The following SHANK1 variants were observed in gnomAD, a reference collection of about 807,000 sequenced individuals.
SHANK1 encodes the protein SH3 and multiple ankyrin repeat domains 1, also known as SH3 and multiple ankyrin repeat domains protein 1.
In SHANK1, 35 loss-of-function variants were observed where a neutral mutation model predicts 165.6. That is an observed-to-expected ratio of 0.21 (90% CI 0.16 to 0.28). SHANK1 has a LOEUF of 0.28. Among genes scored for constraint, SHANK1 ranks in the 10% least tolerant of loss-of-function variants. The pLI, the probability that SHANK1 is intolerant of heterozygous loss-of-function variation, is 1.00. For missense variants in SHANK1, 2,681 were observed against 3,036.4 expected, an observed-to-expected ratio of 0.88 and a Z score of 2.75; for synonymous variants, 1,428 against 1,384.8, an observed-to-expected ratio of 1.03 and a Z score of -0.69.
At chr19:50,715,243 T>C (rs1165821846) in intron 4 of SHANK1, among the ~76,000 whole-genome samples, 12 of 151,608 alleles carry the variant, frequency 7.9e-5, no homozygotes, top group Non-Finnish European at 1.8e-4. Flanking sequence ...ATTCAGGCTA[T>C]GAGGTTGGGA....
Position 50,660,806 on chromosome 19 carries a change from CAGAA to C in SHANK1, c.*1155_*1158del, listed in dbSNP as rs1245861172. Among the ~76,000 whole-genome samples the C allele has an allele frequency of 2.8e-5, 4 of 142,956 alleles. No individual in the cohort carries two copies. Among genetic ancestry groups the C allele is most frequent in the Non-Finnish European group, 6.0e-5 (4 of 66,838 alleles). 93.8% of individuals were successfully genotyped at this position (142,956 alleles called of 152,430 possible). A position where few individuals can be genotyped will look rare whatever the true frequency, so the allele number is the denominator to read the frequency against. On this transcript the variant is annotated 3_prime_UTR_variant, in exon 24 of 24. Coordinates refer to ENST00000293441, the MANE Select transcript of SHANK1 (RefSeq NM_016148.5). The stretch of plus-strand genomic sequence containing the variant: ...AATGCAGAAGGGCAAAGATTTCAAA[CAGAA>C]AGGGGCAAGGGAGTGGGAGCCTGGC...
Position 50,666,692 on chromosome 19 carries a change from C to A in SHANK1, c.5268G>T (p.Lys1756Asn), listed in dbSNP as rs1471728842. 6 of 1,584,518 alleles carry A rather than the reference C, an allele frequency of 3.8e-6. No homozygotes were observed. Among genetic ancestry groups the A allele is most frequent in the Non-Finnish European group, 4.3e-6 (5 of 1,167,888 alleles). ...PYPPQLMTPS[K>N]LRGRALGASG... is the part of the protein sequence containing the mutation. The stretch of plus-strand genomic sequence containing the variant: ...TGGCTCCTAGCGCCCGGCCCCGGAG[C>A]TTAGAGGGAGTCATGAGCTGAGGAG... The change falls in exon 23 of 24, where the codon AAG becomes AAT. Residue 1756 changes from lysine to asparagine, a missense_variant. Transcript: ENST00000293441.
chr19:50,659,450 G>A lies in SHANK1; in HGVS notation c.*2515C>T, dbSNP rs1357245569. The stretch of plus-strand genomic sequence containing the variant: ...GACGCCTGGGTCCCAATCCCTTGAG[G>A]GATGAACTGAAGCCCGCGAAAGGGA... On this transcript the variant is annotated 3_prime_UTR_variant, in exon 24 of 24. Coordinates refer to ENST00000293441, the MANE Select transcript of SHANK1 (RefSeq NM_016148.5). 8.2e-6 allele frequency: 2 copies of A among 242,652 alleles called. No homozygotes were observed. The highest frequency in any genetic ancestry group is 2.2e-5 in the African/African-American group (1 of 44,654). The allele number at this position is 242,652 out of a possible 1,614,324, so 15.0% of individuals were successfully genotyped here.
chr19:50,705,735 C>T lies in SHANK1; in HGVS notation c.1078-1221G>A, dbSNP rs912918622. 3.3e-5 allele frequency among the ~76,000 whole-genome samples: 5 copies of T among 152,210 alleles called. No individual in the cohort carries two copies. The South Asian group carries it at 8.3e-4, about 25-fold the overall frequency. ...TTGAGAACCACAGGTCTAGACCTTA[C>T]GGAGGCTTACCATGTTACGTGCCAG... On this transcript the variant is annotated intron_variant, in intron 8 of 23. Coordinates refer to ENST00000293441, the MANE Select transcript of SHANK1 (RefSeq NM_016148.5).
intron 23 of SHANK1, among the ~76,000 whole-genome samples, chr19:50,664,172 A>T: frequency 6.7e-6 from 1 of 148,778 alleles, no homozygotes; most frequent in Non-Finnish European, 1.5e-5. Flanking sequence ...TGCCCCAAAT[A>T]TACACTCCCT....
At chr19:50,665,471 G>C (rs1985444416) in intron 23 of SHANK1, among the ~76,000 whole-genome samples, 1 of 148,996 alleles carries the variant, frequency 6.7e-6, no homozygotes, top group South Asian at 2.1e-4. Context: ...GGAGGCTGAG[G>C]CTGGAGAATC....
intron 1 of SHANK1, among the ~76,000 whole-genome samples, chr19:50,719,037 C>A (rs540781594): frequency 7.3e-6 from 1 of 136,398 alleles, no homozygotes; most frequent in Non-Finnish European, 1.6e-5. Flanking sequence ...GGTGACCTGG[C>A]GGAGGGGCCC....
intron 21 of SHANK1, among the ~76,000 whole-genome samples, chr19:50,681,186 ATT>A (rs1248233877): frequency 2.0e-5 from 3 of 151,952 alleles, no homozygotes; most frequent in Non-Finnish European, 4.4e-5. Context: ...GGGCATCTGT[ATT>A]GACTCAGAGA....
intron 15 of SHANK1, among the ~76,000 whole-genome samples, chr19:50,694,082 G>A (rs1172186408): frequency 6.8e-6 from 1 of 146,692 alleles, no homozygotes. Context: ...CAGCCTCGCT[G>A]TCGCTCCAAG....
chr19:50,712,196 C>A (rs1203205634), intron 6 of SHANK1, 82 bp from the exon 7 acceptor site: 2 of 1,410,892 alleles, frequency 1.4e-6, no homozygotes, highest in African/African-American at 2.9e-5. Flanking sequence ...GCCAGGGGGA[C>A]TGGACCGTCC....
At position 50,670,909 on chromosome 19, in the gene SHANK1, T is replaced by C. The variant is rs1225752688; in HGVS notation, c.2674+1109A>G. Among the ~76,000 whole-genome samples the C allele has an allele frequency of 6.6e-6, 1 of 151,980 alleles. No individual in the cohort carries two copies. The highest frequency in any genetic ancestry group is 1.5e-5 in the Non-Finnish European group (1 of 68,006). On this transcript the variant is annotated intron_variant, in intron 22 of 23. Coordinates refer to ENST00000293441, the MANE Select transcript of SHANK1 (RefSeq NM_016148.5). The surrounding 1 kb of genome is among the most constrained non-coding windows in gnomAD (Gnocchi z 4.1). ...CTCGGGTTCAAGCTATTCTCCTGCC[T>C]CAGCCTCCTGAGTAGCTGGGATTAC...
rs992381509 is a variant in SHANK1, at chr19:50,686,199, T to A, written c.2577+38A>T. On this transcript the variant is annotated intron_variant, in intron 21 of 23. Transcript: ENST00000293441. The surrounding 1 kb of genome is among the most constrained non-coding windows in gnomAD (Gnocchi z 5.7). Reference sequence around the variant, plus strand: ...GCTCCAGGTTGGTGTGTGAACCGCCTCCCCCCTGGCAGTTCCTCCCCACAC... The same window carrying A: ...GCTCCAGGTTGGTGTGTGAACCGCCACCCCCCTGGCAGTTCCTCCCCACAC... 2.4e-6 allele frequency: 3 copies of A among 1,260,440 alleles called. No individual in the cohort carries two copies. Among genetic ancestry groups the A allele is most frequent in the Non-Finnish European group, 3.4e-6 (3 of 890,666 alleles). 78.1% of individuals were successfully genotyped at this position (1,260,440 alleles called of 1,614,324 possible).
At chr19:50,684,756 T>A (rs928489002) in intron 21 of SHANK1, among the ~76,000 whole-genome samples, 2 of 152,146 alleles carry the variant, frequency 1.3e-5, no homozygotes, top group East Asian at 3.8e-4. Context: ...TATCTCCATA[T>A]CCCATCACAG....
intron 21 of SHANK1, among the ~76,000 whole-genome samples, chr19:50,682,627 A>C (rs941920296): frequency 9.2e-5 from 14 of 152,138 alleles, no homozygotes; most frequent in Admixed American, 7.2e-4. Flanking sequence ...ATGGTTAGAG[A>C]CCCAGAGAGG....
chr19:50,711,561 G>GT, intron 7 of SHANK1, 74 bp from the exon 8 acceptor site: 1 of 1,097,344 alleles, frequency 9.1e-7, no homozygotes. Context: ...GTCTGTCTAT[G>GT]ACCTGTGCAC....
intron 8 of SHANK1, among the ~76,000 whole-genome samples, chr19:50,708,919 C>T (rs2088975802): frequency 6.6e-6 from 1 of 152,164 alleles, no homozygotes; most frequent in Non-Finnish European, 1.5e-5. Context: ...CTGACATTCA[C>T]CACCAAATGC....
intron 10 of SHANK1, 24 bp downstream of exon 10, chr19:50,704,096 C>T (rs755055057): frequency 8.7e-6 from 14 of 1,611,998 alleles, no homozygotes; most frequent in Non-Finnish European, 1.2e-5. Context: ...GTTCTCTGTG[C>T]AGTCCGAGCT....
At chr19:50,687,839 T>C (rs1433704085) in intron 18 of SHANK1, 84 bp downstream of exon 18, 2 of 1,556,632 alleles carry the variant, frequency 1.3e-6, no homozygotes, top group Non-Finnish European at 8.8e-7. Flanking sequence ...GGGAAGGCCT[T>C]GGGCAGCAGC....
In SHANK1 at chr19:50,688,183, TC is replaced by T; in HGVS notation, c.2173-126del. On this transcript the variant is annotated intron_variant, in intron 17 of 23. Coordinates refer to ENST00000293441, the MANE Select transcript of SHANK1 (RefSeq NM_016148.5). This position sits in a 1 kb window ranked among gnomAD's most constrained non-coding sequence, Gnocchi z 6.7. ...CATGGCCCTCTGGGCTATGTTCCTC[TC>T]CCTCCGACCCTTCATACCACCGCCT... The T allele has an allele frequency of 8.4e-7, 1 of 1,194,808 alleles. No homozygotes were observed. Among genetic ancestry groups the T allele is most frequent in the South Asian group, 1.4e-5 (1 of 70,408 alleles). The allele number at this position is 1,194,808 out of a possible 1,614,324, so 74.0% of individuals were successfully genotyped here.
Sources: allele counts gnomAD v4.1 joint callset (sites outside exome capture counted in the v4.1 genomes callset), GRCh38; gene constraint gnomAD v4.1.1; non-coding constraint Gnocchi (gnomAD v3.1); transcripts MANE v1.5; gene names NCBI Gene and HGNC (gene_info 2026-07-23, HGNC 2026-07-21).